CNTNAP2: variants seen among roughly 807,000 people sequenced by gnomAD.
CNTNAP2 encodes the protein contactin-associated protein-like 2.
A neutral mutation model predicts 155.2 loss-of-function variants in CNTNAP2; 98 were observed. That is an observed-to-expected ratio of 0.63 (90% confidence interval 0.54 to 0.75). The LOEUF (loss-of-function observed/expected upper bound fraction) is 0.75, where lower values mean the gene tolerates loss of function less well. Ranked by LOEUF, CNTNAP2 falls within the 30% of genes least tolerant of loss-of-function variation. The probability of loss-of-function intolerance (pLI) is 0.00; values close to 1 mark genes in which losing one functional copy is unlikely to be tolerated. For missense variants in CNTNAP2, 1,727 were observed against 1,688.1 expected (o/e 1.02, Z -0.40); for synonymous variants, 651 against 631.2 (o/e 1.03, Z -0.47).
intron 1 of CNTNAP2, among the ~76,000 whole-genome samples, chr7:146,536,062 C>T (rs778114038): frequency 1.3e-5 from 2 of 152,136 alleles, no homozygotes; most frequent in Non-Finnish European, 2.9e-5. Context: ...TTTATTTTCT[C>T]CTTTCTCCCT....
At chr7:146,717,098 A>G (rs938773100) in intron 1 of CNTNAP2, among the ~76,000 whole-genome samples, 3 of 152,068 alleles carry the variant, frequency 2.0e-5, no homozygotes, top group Non-Finnish European at 4.4e-5. Context: ...GATTTCCTTA[A>G]GAGAGGTTAT....
At chr7:147,823,515 G>A (rs1360358681) in intron 13 of CNTNAP2, among the ~76,000 whole-genome samples, 1 of 152,108 alleles carries the variant, frequency 6.6e-6, no homozygotes, top group Admixed American at 6.6e-5. Context: ...GAGGTATGAA[G>A]ACACGCGCCC....
At chr7:146,552,606 C>T (rs1798138524) in intron 1 of CNTNAP2, among the ~76,000 whole-genome samples, 1 of 151,910 alleles carries the variant, frequency 6.6e-6, no homozygotes, top group Non-Finnish European at 1.5e-5. Context: ...CCTCTAACGA[C>T]TTTCCTTCTT....
intron 1 of CNTNAP2, among the ~76,000 whole-genome samples, chr7:146,655,209 T>C (rs1196406513): frequency 6.6e-6 from 1 of 151,728 alleles, no homozygotes; most frequent in Non-Finnish European, 1.5e-5. Flanking sequence ...GGTCAGGAGT[T>C]CAAGACCAGC....
At position 147,630,033 on chromosome 7, in the gene CNTNAP2, T is replaced by C. The variant is rs540958410; in HGVS notation, c.1898-9073T>C. ...AATACAAAAGATAAATGAAAAAAAG[T>C]GGGTTCTTTGAAAAGATAAACATAA... On this transcript the variant is annotated intron_variant, in intron 12 of 23. Transcript: ENST00000361727. Among the ~76,000 whole-genome samples, 240 of 151,584 alleles carry C rather than the reference T, an allele frequency of 1.6e-3. 1 individual carries two copies. The highest frequency in any genetic ancestry group is 5.7e-3 in the African/African-American group (235 of 41,388).
intron 8 of CNTNAP2, among the ~76,000 whole-genome samples, chr7:147,260,651 T>G (rs142509441): frequency 1.2e-4 from 19 of 152,324 alleles, no homozygotes; most frequent in African/African-American, 4.1e-4. Flanking sequence ...GTAGGGAATA[T>G]GGAATTCTGT....
At chr7:146,434,833 A>G (rs1293506225) in intron 1 of CNTNAP2, among the ~76,000 whole-genome samples, 1 of 152,054 alleles carries the variant, frequency 6.6e-6, no homozygotes, top group Non-Finnish European at 1.5e-5. Flanking sequence ...GAAAAAAAAG[A>G]AACTTGTGGC....
intron 1 of CNTNAP2, among the ~76,000 whole-genome samples, chr7:146,665,889 T>C (rs1012329843): frequency 6.6e-6 from 1 of 151,706 alleles, no homozygotes; most frequent in African/African-American, 2.4e-5. Context: ...ATGTATAATA[T>C]GTAAATTATT....
intron 3 of CNTNAP2, among the ~76,000 whole-genome samples, chr7:146,943,498 A>G (rs1175213464): frequency 1.3e-5 from 2 of 152,186 alleles, no homozygotes; most frequent in African/African-American, 4.8e-5. Context: ...TCTCAAACAA[A>G]CAAAGCAAAC....
At chr7:146,822,851 G>A (rs953808631) in intron 2 of CNTNAP2, among the ~76,000 whole-genome samples, 2 of 148,722 alleles carry the variant, frequency 1.3e-5, no homozygotes, top group Non-Finnish European at 3.0e-5. Context: ...TCGTTCTTCA[G>A]CATATTTAAA....
intron 21 of CNTNAP2, among the ~76,000 whole-genome samples, chr7:148,293,550 A>G (rs1426721126): frequency 6.6e-6 from 1 of 152,240 alleles, no homozygotes; most frequent in East Asian, 1.9e-4. Context: ...CCAAAATTAA[A>G]GTATAGTGAT....
intron 1 of CNTNAP2, among the ~76,000 whole-genome samples, chr7:146,591,204 A>G (rs1465536220): frequency 1.3e-5 from 2 of 152,200 alleles, no homozygotes; most frequent in Admixed American, 6.5e-5. Flanking sequence ...TTCTATGTTT[A>G]TACTTGAATT....
At chr7:147,911,260 CA>C (rs1342255890) in intron 14 of CNTNAP2, among the ~76,000 whole-genome samples, 1 of 152,116 alleles carries the variant, frequency 6.6e-6, no homozygotes, top group African/African-American at 2.4e-5. Flanking sequence ...GTCAGCTTTC[CA>C]AAGTGGGAAA....
intron 15 of CNTNAP2, among the ~76,000 whole-genome samples, chr7:148,021,088 G>A (rs1563169913): frequency 1.3e-5 from 2 of 152,274 alleles, no homozygotes; most frequent in East Asian, 3.9e-4. Context: ...ACTGTTGAGT[G>A]AATTTCTAAT....
chr7:146,196,973 T>C (rs1798785883), intron 1 of CNTNAP2, among the ~76,000 whole-genome samples: 1 of 152,140 alleles, frequency 6.6e-6, no homozygotes, highest in Non-Finnish European at 1.5e-5. Context: ...GGTAATATTT[T>C]TGTACAAATT....
At chr7:147,028,083 T>C (rs375751168) in intron 3 of CNTNAP2, among the ~76,000 whole-genome samples, 1 of 152,000 alleles carries the variant, frequency 6.6e-6, no homozygotes, top group East Asian at 1.9e-4. Context: ...TAGAAGGAGG[T>C]TGAGTTGAAA....
intron 4 of CNTNAP2, among the ~76,000 whole-genome samples, chr7:147,048,279 G>A (rs570835025): frequency 9.7e-4 from 148 of 152,104 alleles, no homozygotes; most frequent in African/African-American, 3.2e-3. Flanking sequence ...TCACAGATGG[G>A]AAAGAAGGAG....
chr7:147,655,404 T>C (rs543114600), intron 13 of CNTNAP2, among the ~76,000 whole-genome samples: 1 of 152,242 alleles, frequency 6.6e-6, no homozygotes, highest in Non-Finnish European at 1.5e-5. Flanking sequence ...ATTACAGGCG[T>C]GAGCCACCGC....
chr7:148,224,216 G>C (rs1795802224), intron 19 of CNTNAP2, among the ~76,000 whole-genome samples: 1 of 152,186 alleles, frequency 6.6e-6, no homozygotes. Flanking sequence ...ATAAGGCAGA[G>C]AGTAAAAACC....
Sources: allele counts gnomAD v4.1 joint callset (sites outside exome capture counted in the v4.1 genomes callset), GRCh38; gene constraint gnomAD v4.1.1; transcripts MANE v1.5; gene names NCBI Gene and HGNC (gene_info 2026-07-23, HGNC 2026-07-21).